Variants in GRIA1 observed in about 807,000 individuals in gnomAD.
GRIA1 encodes glutamate ionotropic receptor AMPA type subunit 1, also known as glutamate receptor 1.
A neutral mutation model predicts 99.2 loss-of-function variants in GRIA1; 31 were observed. The ratio of observed to expected loss-of-function variants is 0.31; its 90% CI spans 0.23 to 0.42. The LOEUF is 0.42. GRIA1 is among the 10% of genes least tolerant of loss of function. GRIA1 has a pLI of 1.00. For synonymous variants in GRIA1, 438 were observed against 432.4 expected, an observed-to-expected ratio of 1.01 and a Z score of -0.16; for missense variants, 782 against 1,157.5, an observed-to-expected ratio of 0.68 and a Z score of 4.71.
intron 8 of GRIA1, among the ~76,000 whole-genome samples, chr5:153,689,113 C>G (rs143750172): frequency 1.1e-3 from 163 of 152,102 alleles, no homozygotes; most frequent in African/African-American, 3.7e-3. Context: ...ACTATAACCT[C>G]AAACTCCTGG....
At chr5:153,728,505 A>G (rs1449732280) in intron 11 of GRIA1, among the ~76,000 whole-genome samples, 1 of 109,974 alleles carries the variant, frequency 9.1e-6, no homozygotes, top group Non-Finnish European at 1.8e-5. Flanking sequence ...GCTAATATCC[A>G]GAATCTACAA....
At chr5:153,530,841 A>G (rs898349688) in intron 2 of GRIA1, among the ~76,000 whole-genome samples, 1 of 152,228 alleles carries the variant, frequency 6.6e-6, no homozygotes, top group African/African-American at 2.4e-5. Context: ...CTTTCAGAAA[A>G]TATTCCAAAA....
intron 2 of GRIA1, among the ~76,000 whole-genome samples, chr5:153,531,301 A>G (rs1472305391): frequency 1.3e-5 from 2 of 152,154 alleles, no homozygotes; most frequent in African/African-American, 4.8e-5. Flanking sequence ...CAAATGATGC[A>G]GGGCCTTCTA....
At chr5:153,731,043 T>C (rs1760975578) in intron 11 of GRIA1, among the ~76,000 whole-genome samples, 1 of 152,092 alleles carries the variant, frequency 6.6e-6, no homozygotes, top group African/African-American at 2.4e-5. Flanking sequence ...GCCCTCTTCC[T>C]GAAACCTTCA....
intron 2 of GRIA1, among the ~76,000 whole-genome samples, chr5:153,629,817 T>C (rs1752802965): frequency 6.6e-6 from 1 of 152,254 alleles, no homozygotes; most frequent in African/African-American, 2.4e-5. Context: ...TCTCATGCAA[T>C]TTTTATTAGT....
chr5:153,535,075 C>T (rs1013051255), intron 2 of GRIA1, among the ~76,000 whole-genome samples: 1 of 152,116 alleles, frequency 6.6e-6, no homozygotes, highest in South Asian at 2.1e-4. Context: ...GCATGCATCA[C>T]CATGCCTGGC....
intron 2 of GRIA1, among the ~76,000 whole-genome samples, chr5:153,541,695 G>A (rs575438538): frequency 1.4e-4 from 21 of 152,220 alleles, no homozygotes; most frequent in Admixed American, 6.5e-4. Flanking sequence ...ACTTTGGGAG[G>A]TCAAAGCAGG....
intron 7 of GRIA1, among the ~76,000 whole-genome samples, chr5:153,681,060 G>C (rs980121201): frequency 6.6e-6 from 1 of 152,164 alleles, no homozygotes; most frequent in African/African-American, 2.4e-5. Flanking sequence ...AGTTTTGTAG[G>C]CTGCACACGA....
intron 13 of GRIA1, among the ~76,000 whole-genome samples, chr5:153,780,834 G>T (rs1764582416): frequency 6.6e-6 from 1 of 152,016 alleles, no homozygotes; most frequent in African/African-American, 2.4e-5. Flanking sequence ...CAAATTAGTG[G>T]CAATTACCTT....
At chr5:153,736,750 T>A (rs1014592761) in intron 11 of GRIA1, among the ~76,000 whole-genome samples, 4 of 152,218 alleles carry the variant, frequency 2.6e-5, no homozygotes, top group Admixed American at 6.5e-5. Flanking sequence ...TTCTCTTAAT[T>A]TTCCAAGACT....
At chr5:153,698,836 A>G in intron 9 of GRIA1, 31 bp from the exon 10 acceptor site, 2 of 1,456,124 alleles carry the variant, frequency 1.4e-6, no homozygotes, top group Non-Finnish European at 1.9e-6. Flanking sequence ...CCCATAACCC[A>G]CATTCTGCTA....
chr5:153,799,089 C>A (rs950566360), intron 14 of GRIA1, among the ~76,000 whole-genome samples: 1 of 150,224 alleles, frequency 6.7e-6, no homozygotes, highest in African/African-American at 2.5e-5. Flanking sequence ...CCACCCCCCC[C>A]TGACAAGCTG....
At chr5:153,688,921 G>A (rs998739221) in intron 8 of GRIA1, among the ~76,000 whole-genome samples, 2 of 151,984 alleles carry the variant, frequency 1.3e-5, no homozygotes, top group South Asian at 2.1e-4. Context: ...GGTTTCTCAC[G>A]ACGTTGGCCA....
At chr5:153,682,957 T>C (rs1300130614) in intron 7 of GRIA1, among the ~76,000 whole-genome samples, 2 of 152,228 alleles carry the variant, frequency 1.3e-5, no homozygotes, top group Non-Finnish European at 2.9e-5. Flanking sequence ...TGGCACCCAG[T>C]ACCCTTTACA....
At chr5:153,684,525 T>C (rs187887104) in intron 7 of GRIA1, among the ~76,000 whole-genome samples, 1 of 152,272 alleles carries the variant, frequency 6.6e-6, no homozygotes, top group Non-Finnish European at 1.5e-5. Flanking sequence ...AGATGCCTGT[T>C]TGGATAATTA....
chr5:153,633,773 T>G (rs1315990736), intron 2 of GRIA1, among the ~76,000 whole-genome samples: 1 of 152,222 alleles, frequency 6.6e-6, no homozygotes, highest in African/African-American at 2.4e-5. Flanking sequence ...GCTAACTTGG[T>G]CATTTAGTCA....
At chr5:153,694,982 G>T (rs1333102411) in intron 8 of GRIA1, among the ~76,000 whole-genome samples, 2 of 148,612 alleles carry the variant, frequency 1.3e-5, no homozygotes, top group Non-Finnish European at 3.0e-5. Flanking sequence ...GGAGGAGAAA[G>T]GGAAAAGAAA....
chr5:153,589,309 G>A lies in GRIA1; in HGVS notation c.221-57619G>A, dbSNP rs900884692. On this transcript the variant is annotated intron_variant, in intron 2 of 15. Coordinates refer to ENST00000285900, the MANE Select transcript of GRIA1 (RefSeq NM_000827.4). ...GCATCAATTTTGGATCACTCTAATG[G>A]AAGTGCCCCGAGCAGTTGGTTTATC... Among the ~76,000 whole-genome samples the A allele has an allele frequency of 9.2e-5, 14 of 152,208 alleles. No homozygotes were observed. The East Asian group carries it at 2.5e-3, about 27-fold the overall frequency.
chr5:153,585,010 C>T (rs1037539790), intron 2 of GRIA1, among the ~76,000 whole-genome samples: 1 of 152,200 alleles, frequency 6.6e-6, no homozygotes. Context: ...TTCAACAAAC[C>T]TTAACTGAAT....
Sources: gnomAD v4.1 joint callset for allele counts (sites outside exome capture counted in the v4.1 genomes callset) on GRCh38, gnomAD v4.1.1 for gene constraint, MANE v1.5 for transcripts, NCBI Gene and HGNC (gene_info 2026-07-23, HGNC 2026-07-21) for gene names.